The following NEAT1 variants were observed in gnomAD, a reference collection of about 807,000 sequenced individuals.
The protein encoded by NEAT1 is MENepsilon/beta.
chr11:65,426,352 A>G (rs752521268), exon 1 of NEAT1: 1 of 152,186 alleles, frequency 6.6e-6, no homozygotes, highest in African/African-American at 2.4e-5. Flanking sequence ...TCACGCATGT[A>G]TGGGGAAGTA....
exon 1 of NEAT1, chr11:65,427,856 A>G (rs2134892295): frequency 6.6e-6 from 1 of 152,224 alleles, no homozygotes; most frequent in African/African-American, 2.4e-5. Context: ...CTGTATGTAA[A>G]TGGTGCTGTC....
At chr11:65,429,238 A>T (rs1045412236) in exon 1 of NEAT1, 2 of 152,174 alleles carry the variant, frequency 1.3e-5, no homozygotes, top group African/African-American at 4.8e-5. Flanking sequence ...GAAGGAAATG[A>T]CTGTTAAACT....
At chr11:65,428,596 C>T (rs1856584422) in exon 1 of NEAT1, 1 of 152,132 alleles carries the variant, frequency 6.6e-6, no homozygotes, top group East Asian at 1.9e-4. Context: ...TTAACAAAAA[C>T]ATACTGACAC....
chr11:65,435,282 T>G (rs1285461320), exon 1 of NEAT1: 3 of 152,200 alleles, frequency 2.0e-5, no homozygotes, highest in African/African-American at 7.2e-5. Context: ...AGATAAAAGT[T>G]CCTCTATAAT....
exon 1 of NEAT1, chr11:65,425,261 T>C (rs900996664): frequency 6.6e-6 from 1 of 152,136 alleles, no homozygotes; most frequent in Non-Finnish European, 1.5e-5. Flanking sequence ...ACTGAAGAAG[T>C]GTTAACTGAA....
At chr11:65,433,366 A>G (rs1430379396) in exon 1 of NEAT1, 3 of 152,204 alleles carry the variant, frequency 2.0e-5, no homozygotes, top group African/African-American at 7.2e-5. Flanking sequence ...GGAGGCTAGA[A>G]CACTCCTGTA....
chr11:65,444,760 G>A (rs940295500), exon 1 of NEAT1: 14 of 300,410 alleles, frequency 4.7e-5, no homozygotes, highest in African/African-American at 3.1e-4. Flanking sequence ...TTAGAGTCAA[G>A]TGACAGGAGA....
exon 1 of NEAT1, chr11:65,433,383 G>GAA (rs1215688719): frequency 3.9e-5 from 6 of 152,134 alleles, no homozygotes; most frequent in Admixed American, 3.9e-4. Context: ...TGTAAGGCAA[G>GAA]AATATTCTCT....
chr11:65,441,842 T>G (rs1856717615), exon 1 of NEAT1: 1 of 152,230 alleles, frequency 6.6e-6, no homozygotes, highest in Non-Finnish European at 1.5e-5. Context: ...CTGGTTCACT[T>G]ATGATCACGC....
chr11:65,423,851 T>G (rs1227671775), exon 1 of NEAT1: 1 of 152,098 alleles, frequency 6.6e-6, no homozygotes, highest in Non-Finnish European at 1.5e-5. Context: ...GGCGGATCGG[T>G]GTTGCTTGCC....
At chr11:65,444,784 C>A in exon 1 of NEAT1, 1 of 276,102 alleles carries the variant, frequency 3.6e-6, no homozygotes, top group Non-Finnish European at 7.2e-6. Flanking sequence ...GCTGGTGGGG[C>A]CCTGTGCTTC....
At chr11:65,443,500 G>A (rs1856733495) in exon 1 of NEAT1, 1 of 152,188 alleles carries the variant, frequency 6.6e-6, no homozygotes, top group Admixed American at 6.5e-5. Flanking sequence ...GTGATTGGTA[G>A]TTACTATGTG....
exon 1 of NEAT1, chr11:65,436,423 C>G (rs925554182): frequency 6.6e-6 from 1 of 152,234 alleles, no homozygotes; most frequent in African/African-American, 2.4e-5. Flanking sequence ...GTTAATTTCA[C>G]CTATGAATAG....
chr11:65,444,263 C>CTGTGTGTGTG (rs66756887), exon 1 of NEAT1: 23 of 254,896 alleles, frequency 9.0e-5, no homozygotes, highest in South Asian at 3.2e-4. Context: ...AGTCCTCAGA[C>CTGTGTGTGTG]TGTGTGTGTG....
At chr11:65,424,757 G>A (rs1054793477) in exon 1 of NEAT1, 1 of 152,204 alleles carries the variant, frequency 6.6e-6, no homozygotes, top group Non-Finnish European at 1.5e-5. Context: ...AGGGAATGGT[G>A]GGTACACCGG....
At chr11:65,440,227 A>G (rs1173581738) in exon 1 of NEAT1, 4 of 150,960 alleles carry the variant, frequency 2.6e-5, no homozygotes. Flanking sequence ...TAATGTTTCC[A>G]TTTGTATTAA....
exon 1 of NEAT1, chr11:65,440,204 CTGA>C: frequency 6.6e-6 from 1 of 150,792 alleles, no homozygotes; most frequent in East Asian, 1.9e-4. Flanking sequence ...CTTTTATCAT[CTGA>C]TGATGAACTT....
At chr11:65,428,642 A>T (rs949835801) in exon 1 of NEAT1, 3 of 152,204 alleles carry the variant, frequency 2.0e-5, no homozygotes, top group Non-Finnish European at 4.4e-5. Context: ...AGCAAAATGA[A>T]TACTAACATT....
At chr11:65,423,387 T>C (rs1025942622) in exon 1 of NEAT1, 1 of 152,114 alleles carries the variant, frequency 6.6e-6, no homozygotes, top group South Asian at 2.1e-4. Context: ...CAGGGTGGTA[T>C]GTAATTTTCG....
Sources: allele counts gnomAD v4.1 joint callset, GRCh38; gene constraint gnomAD v4.1.1; transcripts MANE v1.5; gene names NCBI Gene and HGNC (gene_info 2026-07-23, HGNC 2026-07-21).